PIEZO2: variants seen among roughly 807,000 people sequenced by gnomAD.
PIEZO2 encodes the protein piezo-type mechanosensitive ion channel component 2.
Under a neutral mutation model 337.3 loss-of-function variants are expected in PIEZO2, and 172 were observed. The ratio of observed to expected loss-of-function variants is 0.51; its 90% CI spans 0.45 to 0.58. PIEZO2 has a LOEUF of 0.58. Ranked by LOEUF, PIEZO2 falls within the 20% of genes least tolerant of loss-of-function variation. The pLI is 0.00. For missense variants in PIEZO2, 3,028 were observed against 3,391.3 expected, an observed-to-expected ratio of 0.89 and a Z score of 2.66; for synonymous variants, 1,251 against 1,228.5, an observed-to-expected ratio of 1.02 and a Z score of -0.38.
Position 10,696,199 on chromosome 18 carries a change from T to A in PIEZO2, c.7065A>T (p.Gly2355=). 1 of 1,614,014 alleles carries A rather than the reference T, an allele frequency of 6.2e-7. No individual in the cohort carries two copies. Among genetic ancestry groups the A allele is most frequent in the Non-Finnish European group, 8.5e-7 (1 of 1,179,888 alleles). Residue 2355 remains glycine (G), a synonymous_variant, in exon 47 of 56, where the codon GGA becomes GGT. Transcript: ENST00000674853. ...AGAGGGCTCGGTCCACCACCATGGT[T>A]CCAAACTGAATGAGGACCATCACCA... The part of the protein sequence containing the change: ...PFLVMVLIQF[G]TMVVDRALYL...
Position 10,704,401 on chromosome 18 carries a change from T to G in PIEZO2, c.6251A>C (p.Tyr2084Ser), listed in dbSNP as rs2035476106. Residue 2084 changes from tyrosine (Y) to serine (S), a missense_variant, in exon 42 of 56, where the codon TAT becomes TCT. Coordinates refer to ENST00000674853, the MANE Select transcript of PIEZO2 (RefSeq NM_001378183.1). ...SRRFWMMAIV[Y>S]TEVAIVVKYF... is the part of the protein sequence containing the mutation. Reference sequence around the variant, plus strand: ...GTCTGCGTCCAGGCCTACCTCAGTATAGACGATGGCCATCATCCAGAACCG... The same window carrying G: ...GTCTGCGTCCAGGCCTACCTCAGTAGAGACGATGGCCATCATCCAGAACCG... 1 of 1,537,022 alleles carries G rather than the reference T, an allele frequency of 6.5e-7. No individual in the cohort carries two copies. Among genetic ancestry groups the G allele is most frequent in the South Asian group, 1.2e-5 (1 of 84,058 alleles).
In PIEZO2 at chr18:10,697,760, A is replaced by G. The variant is rs752244424; in HGVS notation, c.6815T>C (p.Phe2272Ser). The G allele has an allele frequency of 1.2e-6, 2 of 1,613,830 alleles. No individual in the cohort carries two copies. The highest frequency in any genetic ancestry group is 1.7e-5 in the Admixed American group (1 of 59,964). ...CTCATGGACTCACTTCTTTATGGTA[A>G]AGGCTTTTGCTTTGATTAAATGTTC... is the stretch of plus-strand genomic sequence containing the variant. ...LQEHLIKAKA[F>S]TIKKTLEIYV... The change falls in exon 45 of 56, where the codon TTT becomes TCT. Residue 2272 changes from phenylalanine (F) to serine (S), a missense_variant. By Grantham distance (155) the Phe-to-Ser change is radical. Around this residue, in one of 5 missense-constraint regions of PIEZO2, gnomAD observed 1,925 missense variants for 2,051.9 expected, o/e 0.94. Coordinates refer to ENST00000674853, the MANE Select transcript of PIEZO2 (RefSeq NM_001378183.1).
chr18:10,714,250 A>G (rs777908863), intron 39 of PIEZO2, among the ~76,000 whole-genome samples: 1 of 152,218 alleles, frequency 6.6e-6, no homozygotes, highest in Non-Finnish European at 1.5e-5. Flanking sequence ...GTACTGTGTC[A>G]TCTGACAATC....
At position 10,762,780 on chromosome 18, in the gene PIEZO2, C is replaced by A. The variant is rs2038191983; in HGVS notation, c.3123+142G>T. Reference sequence around the variant, plus strand: ...CCTCAGTATGAGACGAGGCTTAACACAGGCCCAGAGCACGACCAGCCAGGG... The same window carrying A: ...CCTCAGTATGAGACGAGGCTTAACAAAGGCCCAGAGCACGACCAGCCAGGG... On this transcript the variant is annotated intron_variant, in intron 22 of 55. Coordinates refer to ENST00000674853, the MANE Select transcript of PIEZO2 (RefSeq NM_001378183.1). 24 of 1,323,062 alleles carry A rather than the reference C, an allele frequency of 1.8e-5. No individual in the cohort carries two copies. In the South Asian group the frequency reaches 3.4e-4, roughly 19 times the overall value. The allele number at this position is 1,323,062 out of a possible 1,614,324, so 82.0% of individuals were successfully genotyped here.
Position 10,689,710 on chromosome 18 carries a change from A to G in PIEZO2, c.7442T>C (p.Val2481Ala). 1 of 1,614,226 alleles carries G rather than the reference A, an allele frequency of 6.2e-7. No homozygotes were observed. The highest frequency in any genetic ancestry group is 8.5e-7 in the Non-Finnish European group (1 of 1,180,038). ...TTLSLSSWIC[V>A]EDIYAHIFIL... ...GAATATGTGAGCATAGATGTCCTCCACACAGATCCAGCTGGACAGGCTCAA... is the reference window on the plus strand; with the variant it reads ...GAATATGTGAGCATAGATGTCCTCCGCACAGATCCAGCTGGACAGGCTCAA... The change falls in exon 49 of 56, where the codon GTG becomes GCG. Residue 2481 changes from valine to alanine, a missense_variant. Physicochemically the swap from Val to Ala is moderately conservative, Grantham distance 64 (BLOSUM62 0). Transcript: ENST00000674853.
chr18:11,013,720 T>A (rs1462536321), intron 2 of PIEZO2, among the ~76,000 whole-genome samples: 1 of 151,996 alleles, frequency 6.6e-6, no homozygotes, highest in Admixed American at 6.6e-5. Context: ...ACATTTAGAG[T>A]CCACCTGGAT....
chr18:10,949,202 CAT>C (rs753841013), intron 3 of PIEZO2, among the ~76,000 whole-genome samples: 1 of 151,986 alleles, frequency 6.6e-6, no homozygotes, highest in African/African-American at 2.4e-5. Flanking sequence ...AAGTAGGAAA[CAT>C]TTTTTTCTCA....
At chr18:10,841,032 A>G (rs2041174033) in intron 7 of PIEZO2, among the ~76,000 whole-genome samples, 1 of 152,212 alleles carries the variant, frequency 6.6e-6, no homozygotes, top group Admixed American at 6.5e-5. Flanking sequence ...GATGATTTGT[A>G]GAGGAAGGGA....
intron 36 of PIEZO2, chr18:10,728,505 A>G (rs1198353913): frequency 6.6e-6 from 1 of 152,214 alleles, no homozygotes; most frequent in Non-Finnish European, 1.5e-5. Flanking sequence ...ATGTCCATTA[A>G]AGGTGAGAGG....
rs1428190988 is a variant in PIEZO2 at position 10,707,476 on chromosome 18, T to C, written c.5588+799A>G. Reference sequence around the variant, plus strand: ...CAGTGAAAAGAAGATGCCCTCTGACTTGCCACCATGAGCAGTCAAAACGAA... The same window carrying C: ...CAGTGAAAAGAAGATGCCCTCTGACCTGCCACCATGAGCAGTCAAAACGAA... On this transcript the variant is annotated intron_variant, in intron 40 of 55. Coordinates refer to ENST00000674853, the MANE Select transcript of PIEZO2 (RefSeq NM_001378183.1). The surrounding 1 kb of genome is among the most constrained non-coding windows in gnomAD (Gnocchi z 4.2). Among the ~76,000 whole-genome samples, 1 of 152,092 alleles carries C rather than the reference T, an allele frequency of 6.6e-6. No homozygotes were observed. The highest frequency in any genetic ancestry group is 1.5e-5 in the Non-Finnish European group (1 of 68,018).
intron 3 of PIEZO2, among the ~76,000 whole-genome samples, chr18:10,938,509 C>A (rs1248757988): frequency 1.3e-5 from 2 of 152,104 alleles, no homozygotes; most frequent in African/African-American, 4.8e-5. Flanking sequence ...GGGAAGTCAA[C>A]AAAGATTTAG....
At chr18:10,817,775 T>C (rs909220391) in intron 7 of PIEZO2, among the ~76,000 whole-genome samples, 1 of 151,964 alleles carries the variant, frequency 6.6e-6, no homozygotes, top group African/African-American at 2.4e-5. Flanking sequence ...TACAAAAAAT[T>C]AGCTGAGTGT....
chr18:10,751,615 A>G (rs1405470162), intron 28 of PIEZO2, among the ~76,000 whole-genome samples: 2 of 152,200 alleles, frequency 1.3e-5, no homozygotes, highest in Admixed American at 1.3e-4. Flanking sequence ...GCCCCCCCGA[A>G]AATCAAGGAG....
At chr18:10,836,550 A>G (rs2041019867) in intron 7 of PIEZO2, among the ~76,000 whole-genome samples, 1 of 152,212 alleles carries the variant, frequency 6.6e-6, no homozygotes, top group South Asian at 2.1e-4. Context: ...TAATTCCATT[A>G]CTTTGTGGCT....
At chr18:10,941,812 T>TAG in intron 3 of PIEZO2, among the ~76,000 whole-genome samples, 1 of 152,210 alleles carries the variant, frequency 6.6e-6, no homozygotes. Context: ...AAGACCAAAA[T>TAG]GACTGATACC....
intron 1 of PIEZO2, among the ~76,000 whole-genome samples, chr18:11,073,730 G>C (rs1335546062): frequency 1.3e-5 from 2 of 152,086 alleles, no homozygotes; most frequent in Admixed American, 6.5e-5. Context: ...CCAAAACTAC[G>C]AGAGCTTTAA....
chr18:11,134,490 G>C (rs1232940707), intron 1 of PIEZO2, among the ~76,000 whole-genome samples: 1 of 152,154 alleles, frequency 6.6e-6, no homozygotes, highest in Non-Finnish European at 1.5e-5. Flanking sequence ...CACCTGAAAA[G>C]TGAGATTTCT....
At chr18:11,076,628 T>C (rs1177127115) in intron 1 of PIEZO2, among the ~76,000 whole-genome samples, 1 of 152,202 alleles carries the variant, frequency 6.6e-6, no homozygotes, top group Non-Finnish European at 1.5e-5. Context: ...CTGTTATCTA[T>C]GTCAACATAT....
At position 11,001,930 on chromosome 18, in the gene PIEZO2, G is replaced by GAAGGAAGGAAGA. The variant is rs1292966158; in HGVS notation, c.161-22271_161-22270insTCTTCCTTCCTT. Among the ~76,000 whole-genome samples the GAAGGAAGGAAGA allele has an allele frequency of 1.3e-5, 2 of 149,586 alleles. 1 individual carries two copies. Among genetic ancestry groups the GAAGGAAGGAAGA allele is most frequent in the East Asian group, 3.9e-4 (2 of 5,126 alleles). On this transcript the variant is annotated intron_variant, in intron 2 of 55. Coordinates refer to ENST00000674853, the MANE Select transcript of PIEZO2 (RefSeq NM_001378183.1). The surrounding 1 kb of genome is among the most constrained non-coding windows in gnomAD (Gnocchi z 5.3). Reference sequence around the variant, plus strand: ...AGAAGGAAGGAAGGAAGGAAGGAAGGAAGGAAGGAAGGAAGGAAGAAAAAA... The same window carrying GAAGGAAGGAAGA: ...AGAAGGAAGGAAGGAAGGAAGGAAGGAAGGAAGGAAGAAAGGAAGGAAGGAAGGAAGAAAAAA...
Sources: gnomAD v4.1 joint callset for allele counts (sites outside exome capture counted in the v4.1 genomes callset) on GRCh38, gnomAD v4.1.1 for gene constraint, gnomAD v4.1.1 regional missense constraint, Gnocchi (gnomAD v3.1) non-coding constraint, MANE v1.5 for transcripts, NCBI Gene and HGNC (gene_info 2026-07-23, HGNC 2026-07-21) for gene names.